VPS13D: variants seen among roughly 807,000 people sequenced by gnomAD.
VPS13D encodes the protein vacuolar protein sorting 13 homolog D.
A neutral mutation model predicts 461.9 loss-of-function variants in VPS13D; 187 were observed. The observed-to-expected ratio is 0.40, with a 90% confidence interval of 0.36 to 0.46. The LOEUF (loss-of-function observed/expected upper bound fraction) is 0.46. Among genes scored for constraint, VPS13D ranks in the 20% least tolerant of loss-of-function variants. VPS13D has a pLI of 0.60. For missense variants in VPS13D, 4,711 were observed against 5,364.9 expected, an observed-to-expected ratio of 0.88 and a Z score of 3.81; for synonymous variants, 1,951 against 1,986.3, an observed-to-expected ratio of 0.98 and a Z score of 0.47.
At chr1:12,462,066 A>G (rs947966881) in intron 67 of VPS13D, among the ~76,000 whole-genome samples, 1 of 152,216 alleles carries the variant, frequency 6.6e-6, no homozygotes, top group African/African-American at 2.4e-5. Flanking sequence ...GTGATTGAAA[A>G]TTTCCTATGA....
chr1:12,321,824 C>G lies in VPS13D; in HGVS notation c.7564C>G (p.Leu2522Val). Residue 2522 changes from leucine to valine, a missense_variant, in exon 33 of 70, where the codon CTA (leucine) becomes GTA (valine). Around this residue, in one of 3 missense-constraint regions of VPS13D, gnomAD observed 4,411 missense variants for 4,937.8 expected, o/e 0.89. Coordinates refer to ENST00000620676, the MANE Select transcript of VPS13D (RefSeq NM_015378.4). ...CATTCTGTAGGTGTTTTCATGCCGA[C>G]TAGGGAATGAGCATGATACAGCTCT... ...LFGIEVFSCR[L>V]GNEHDTALSI... 6.2e-7 allele frequency: 1 copy of G among 1,601,024 alleles called. No individual in the cohort carries two copies. Among genetic ancestry groups the G allele is most frequent in the Non-Finnish European group, 8.5e-7 (1 of 1,176,160 alleles).
chr1:12,427,090 A>G (rs189408620), intron 65 of VPS13D, among the ~76,000 whole-genome samples: 1 of 152,218 alleles, frequency 6.6e-6, no homozygotes, highest in Non-Finnish European at 1.5e-5. Context: ...GGAATGGAAC[A>G]ATATGATTTA....
chr1:12,401,948 TG>T (rs1416596472), intron 62 of VPS13D, among the ~76,000 whole-genome samples: 4 of 152,228 alleles, frequency 2.6e-5, no homozygotes, highest in Non-Finnish European at 5.9e-5. Context: ...GAGTATCCAG[TG>T]GTATACCTTT....
chr1:12,476,156 A>G (rs145219382), intron 67 of VPS13D, among the ~76,000 whole-genome samples: 148 of 152,320 alleles, frequency 9.7e-4, no homozygotes, highest in East Asian at 3.3e-3. Context: ...CCTGGTTTCT[A>G]CATCTCATTT....
At chr1:12,416,636 T>C in intron 64 of VPS13D, 24 bp from the exon 65 acceptor site, 1 of 1,606,666 alleles carries the variant, frequency 6.2e-7, no homozygotes, top group Non-Finnish European at 8.5e-7. Flanking sequence ...GATTGGACTT[T>C]TCTCTTCCTG....
chr1:12,437,627 A>G (rs1420348817), intron 65 of VPS13D, among the ~76,000 whole-genome samples: 2 of 151,996 alleles, frequency 1.3e-5, no homozygotes, highest in Admixed American at 6.6e-5. Flanking sequence ...CATTCCAATG[A>G]GTAGATTTTT....
Position 12,299,532 on chromosome 1 carries a change from T to C in VPS13D, c.6216+148T>C. The C allele has an allele frequency of 1.2e-6, 1 of 806,290 alleles. No individual in the cohort carries two copies. Among genetic ancestry groups the C allele is most frequent in the African/African-American group, 1.8e-5 (1 of 56,858 alleles). 49.9% of individuals were successfully genotyped at this position (806,290 alleles called of 1,614,324 possible). A position where few individuals can be genotyped will look rare whatever the true frequency, so the allele number is the denominator to read the frequency against. ...AGAATTTTTTTTGGCATTTTATTGA[T>C]ATTTCAGTTAACCTTATGAATTGAG... is the stretch of plus-strand genomic sequence containing the variant. On this transcript the variant is annotated intron_variant, in intron 25 of 69. Coordinates refer to ENST00000620676, the MANE Select transcript of VPS13D (RefSeq NM_015378.4). The surrounding 1 kb of genome is among the most constrained non-coding windows in gnomAD (Gnocchi z 4.2).
At position 12,277,829 on chromosome 1, in the gene VPS13D, A is replaced by T; in HGVS notation, c.4241A>T (p.Asp1414Val). The change falls in exon 19 of 70, where the codon GAT (aspartate) becomes GTT (valine). Residue 1414 changes from aspartate (D) to valine (V), a missense_variant. By Grantham distance (152) the Asp-to-Val change is radical. This residue lies in a region of VPS13D where 4,411 missense variants were observed against 4,937.8 expected (regional missense o/e 0.89). Coordinates refer to ENST00000620676, the MANE Select transcript of VPS13D (RefSeq NM_015378.4). ...TTCATCCAGAATTTTGTGGCGGGAGATGATGAATCCAGAAGTGACCGTCTG... is the reference window on the plus strand; with the variant it reads ...TTCATCCAGAATTTTGTGGCGGGAGTTGATGAATCCAGAAGTGACCGTCTG... ...QIFIQNFVAG[D>V]DESRSDRLQV... The T allele has an allele frequency of 6.2e-7, 1 of 1,613,712 alleles. No homozygotes were observed. Among genetic ancestry groups the T allele is most frequent in the Non-Finnish European group, 8.5e-7 (1 of 1,179,870 alleles).
In VPS13D at chr1:12,378,602, A is replaced by G; in HGVS notation, c.11081+11A>G. The G allele has an allele frequency of 6.5e-7, 1 of 1,540,126 alleles. No individual in the cohort carries two copies. The highest frequency in any genetic ancestry group is 8.8e-7 in the Non-Finnish European group (1 of 1,140,268). ...AGTGACTGACAACAGGTAATTTTCT[A>G]GGCAACTTTTGATTCAAGCTCATTG... is the stretch of plus-strand genomic sequence containing the variant. On this transcript the variant is annotated intron_variant, in intron 56 of 69. Coordinates refer to ENST00000620676, the MANE Select transcript of VPS13D (RefSeq NM_015378.4).
chr1:12,451,082 T>TA (rs912934508), intron 65 of VPS13D, among the ~76,000 whole-genome samples: 19 of 152,332 alleles, frequency 1.2e-4, no homozygotes, highest in African/African-American at 4.3e-4. Context: ...CTGAAGATCA[T>TA]AAAAGGGTCA....
chr1:12,296,277 C>T (rs1274558322), intron 24 of VPS13D, among the ~76,000 whole-genome samples: 1 of 152,190 alleles, frequency 6.6e-6, no homozygotes, highest in East Asian at 1.9e-4. Context: ...ATGATAGTCT[C>T]CCATCAGCAG....
chr1:12,392,493 G>A (rs1301159230), intron 60 of VPS13D, among the ~76,000 whole-genome samples: 2 of 147,472 alleles, frequency 1.4e-5, no homozygotes, highest in Admixed American at 6.8e-5. Context: ...AAAAAAGTCC[G>A]TGATGAAATT....
intron 60 of VPS13D, among the ~76,000 whole-genome samples, chr1:12,399,208 T>A (rs905215683): frequency 1.3e-5 from 2 of 151,730 alleles, no homozygotes; most frequent in African/African-American, 4.8e-5. Flanking sequence ...ATTTTTTTTT[T>A]TTTTTTGAGA....
intron 35 of VPS13D, among the ~76,000 whole-genome samples, chr1:12,325,350 C>G (rs893920587): frequency 6.6e-6 from 1 of 152,178 alleles, no homozygotes; most frequent in African/African-American, 2.4e-5. Flanking sequence ...ACCTCCGCCT[C>G]CCAGGTTCAA....
At chr1:12,491,118 A>T (rs1056807985) in intron 67 of VPS13D, among the ~76,000 whole-genome samples, 1 of 152,118 alleles carries the variant, frequency 6.6e-6, no homozygotes, top group Non-Finnish European at 1.5e-5. Flanking sequence ...AATTGTGCAC[A>T]CTCGAGCACA....
intron 67 of VPS13D, among the ~76,000 whole-genome samples, chr1:12,490,883 G>A (rs1557473522): frequency 6.6e-6 from 1 of 152,222 alleles, no homozygotes; most frequent in East Asian, 1.9e-4. Context: ...GGCATGGTGG[G>A]CTTCTTGGGC....
chr1:12,465,414 C>T (rs1419682548), intron 67 of VPS13D, among the ~76,000 whole-genome samples: 6 of 151,950 alleles, frequency 3.9e-5, no homozygotes, highest in African/African-American at 7.3e-5. Flanking sequence ...GAGCTTATCT[C>T]GTTATTTAAG....
At chr1:12,278,710 C>T (rs746528248) in intron 19 of VPS13D, among the ~76,000 whole-genome samples, 11 of 152,196 alleles carry the variant, frequency 7.2e-5, no homozygotes, top group Non-Finnish European at 1.2e-4. Context: ...CCCAAGCTGT[C>T]GATCCTTCCT....
intron 67 of VPS13D, among the ~76,000 whole-genome samples, chr1:12,464,572 C>T (rs1242900440): frequency 6.6e-6 from 1 of 151,910 alleles, no homozygotes; most frequent in Non-Finnish European, 1.5e-5. Flanking sequence ...TTATAGGGAA[C>T]CCCCCCTCCT....
Sources: gnomAD v4.1 joint callset for allele counts (sites outside exome capture counted in the v4.1 genomes callset) on GRCh38, gnomAD v4.1.1 for gene constraint, gnomAD v4.1.1 regional missense constraint, Gnocchi (gnomAD v3.1) non-coding constraint, MANE v1.5 for transcripts, NCBI Gene and HGNC (gene_info 2026-07-23, HGNC 2026-07-21) for gene names.